Variants in DBNDD1 observed in about 807,000 individuals in gnomAD.
The protein encoded by DBNDD1 is dysbindin domain containing 1, also known as dysbindin domain-containing protein 1.
Under a neutral mutation model 17.0 loss-of-function variants are expected in DBNDD1, and 14 were observed. That is an observed-to-expected ratio of 0.82 (90% CI 0.54 to 1.29). DBNDD1 has a LOEUF of 1.29. Ranked by LOEUF, DBNDD1 falls within the 50% of genes most tolerant of loss-of-function variation. The probability of loss-of-function intolerance (pLI) is 0.00; values close to 1 mark genes in which losing one functional copy is unlikely to be tolerated. For synonymous variants in DBNDD1, 105 were observed against 102.0 expected, an observed-to-expected ratio of 1.03 and a Z score of -0.18; for missense variants, 221 against 216.2, an observed-to-expected ratio of 1.02 and a Z score of -0.14.
chr16:90,010,875 C>G (rs773470941), intron 1 of DBNDD1, among the ~76,000 whole-genome samples: 38 of 152,254 alleles, frequency 2.5e-4, no homozygotes, highest in South Asian at 2.1e-4. Flanking sequence ...TGCATGCCCC[C>G]CTTTGGCCCT....
chr16:90,013,944 C>A (rs147899617), intron 1 of DBNDD1, among the ~76,000 whole-genome samples: 6,959 of 149,916 alleles, frequency 0.046, 258 homozygotes, highest in East Asian at 0.14. Flanking sequence ...GGGGGACATG[C>A]ATAAAGGCCT....
At chr16:90,009,691 T>A (rs556281316) in intron 1 of DBNDD1, 5 of 632,834 alleles carry the variant, frequency 7.9e-6, no homozygotes, top group Non-Finnish European at 1.3e-5. Flanking sequence ...TCACCTTTGG[T>A]ACGCAAGCAC....
chr16:90,010,411 A>T (rs1487305886), intron 1 of DBNDD1, among the ~76,000 whole-genome samples: 1 of 131,874 alleles, frequency 7.6e-6, no homozygotes, highest in African/African-American at 3.0e-5. Flanking sequence ...CTCTGTCACC[A>T]GGCTGGAGTG....
Position 90,005,302 on chromosome 16 carries a change from G to A in DBNDD1, c.*1033C>T, listed in dbSNP as rs2035401763. ...CACTTTGATATTAAACTCATTCTTT[G>A]ACTTGCTGTCAGGCAAGAAGCCCAT... On this transcript the variant is annotated 3_prime_UTR_variant, in exon 4 of 4. Coordinates refer to ENST00000002501, the MANE Select transcript of DBNDD1 (RefSeq NM_001042610.3). 6.6e-6 allele frequency: 1 copy of A among 152,268 alleles called. No individual in the cohort carries two copies. The highest frequency in any genetic ancestry group is 1.5e-5 in the Non-Finnish European group (1 of 68,080). The allele number at this position is 152,268 out of a possible 1,614,324, so 9.4% of individuals were successfully genotyped here.
At chr16:90,008,976 C>T in intron 2 of DBNDD1, 52 bp from the exon 3 acceptor site, 2 of 1,499,936 alleles carry the variant, frequency 1.3e-6, no homozygotes, top group Non-Finnish European at 1.8e-6. Flanking sequence ...CAAGGCTGCT[C>T]AGAGCCCCGG....
intron 1 of DBNDD1, among the ~76,000 whole-genome samples, chr16:90,012,087 C>T (rs746881358): frequency 9.2e-5 from 14 of 152,236 alleles, no homozygotes; most frequent in Admixed American, 3.3e-4. Context: ...CTGCAGAGGG[C>T]GTAGCCCTGT....
At position 90,009,494 on chromosome 16, in the gene DBNDD1, G is replaced by A. The variant is rs770660140; in HGVS notation, c.32-64C>T. On this transcript the variant is annotated intron_variant, in intron 1 of 3. Transcript: ENST00000002501. ...GGCTCCCACATCCCCCCAGGACGCG[G>A]GGCTGGGTGTGAGGACTTGGCACAT... 1.9e-6 allele frequency: 3 copies of A among 1,593,236 alleles called. No homozygotes were observed. The South Asian group carries it at 3.3e-5, about 18-fold the overall frequency.
At chr16:90,013,261 T>TGAAAAAAAAAAAAAAAAAAAA (rs1567835111) in intron 1 of DBNDD1, among the ~76,000 whole-genome samples, 2 of 4,494 alleles carry the variant, frequency 4.5e-4, no homozygotes, top group Non-Finnish European at 9.7e-4. Flanking sequence ...AAACCTTGCC[T>TGAAAAAAAAAAAAAAAAAAAA]TAAAAAAAAA....
intron 1 of DBNDD1, among the ~76,000 whole-genome samples, chr16:90,017,682 T>C (rs1369518622): frequency 6.6e-6 from 1 of 152,180 alleles, no homozygotes; most frequent in Admixed American, 6.5e-5. Context: ...TTTGTAAGGT[T>C]TTCAAAAGTA....
intron 1 of DBNDD1, chr16:90,009,693 C>T (rs9929170): frequency 1.9e-5 from 12 of 630,854 alleles, no homozygotes; most frequent in African/African-American, 9.2e-5. Flanking sequence ...ACCTTTGGTA[C>T]GCAAGCACCC....
At chr16:90,016,816 C>T (rs1177283165) in intron 1 of DBNDD1, among the ~76,000 whole-genome samples, 1 of 152,234 alleles carries the variant, frequency 6.6e-6, no homozygotes, top group African/African-American at 2.4e-5. Flanking sequence ...TTGGCACACA[C>T]CACTGTATGG....
At chr16:90,019,516 T>C (rs1196781724), upstream of DBNDD1, 2 of 153,100 alleles carry the variant, frequency 1.3e-5, no homozygotes, top group Non-Finnish European at 2.7e-5. The surrounding 1 kb of genome is among the most constrained non-coding windows in gnomAD (Gnocchi z 6.1). Context: ...GCGCAGCTGC[T>C]CCCGGGCCCC....
At chr16:90,019,646 C>T, upstream of DBNDD1, 1 of 430,032 alleles carries the variant, frequency 2.3e-6, no homozygotes, top group Non-Finnish European at 4.1e-6. This position sits in a 1 kb window ranked among gnomAD's most constrained non-coding sequence, Gnocchi z 6.1. Flanking sequence ...CCCTCGCGGG[C>T]CGCGCCCCGC....
chr16:90,006,615 C>G (rs1317445047), intron 3 of DBNDD1, 123 bp from the exon 4 acceptor site: 2 of 1,240,956 alleles, frequency 1.6e-6, no homozygotes, highest in African/African-American at 1.5e-5. Flanking sequence ...CCCCCTGCAC[C>G]AGGCATGCAC....
intron 3 of DBNDD1, among the ~76,000 whole-genome samples, chr16:90,007,929 CCCCAAACA>C (rs1221767661): frequency 9.9e-5 from 15 of 151,144 alleles, no homozygotes; most frequent in East Asian, 2.0e-4. Context: ...GGGCCTCACC[CCCCAAACA>C]CACCTCCCAG....
chr16:90,014,805 G>C (rs1056425632), intron 1 of DBNDD1, among the ~76,000 whole-genome samples: 1 of 152,072 alleles, frequency 6.6e-6, no homozygotes, highest in Non-Finnish European at 1.5e-5. Context: ...AGGAGTTCGA[G>C]ACCAGTCTGG....
rs1597584412 is a variant in DBNDD1 at position 90,015,853 on chromosome 16, G to T, written c.31+3458C>A. 2.0e-5 allele frequency among the ~76,000 whole-genome samples: 3 copies of T among 152,270 alleles called. No homozygotes were observed. In the South Asian group the frequency reaches 6.2e-4, roughly 32 times the overall value. On this transcript the variant is annotated intron_variant, in intron 1 of 3. Transcript: ENST00000002501. The stretch of plus-strand genomic sequence containing the variant: ...ATCGTCAGAGGCTGGGGGGTGGGCA[G>T]TGGAGAAGGGGAGAACGGGTATGGG...
intron 1 of DBNDD1, chr16:90,011,714 A>G (rs748203409): frequency 4.6e-5 from 21 of 453,958 alleles, no homozygotes; most frequent in Non-Finnish European, 8.9e-5. Flanking sequence ...GAGGTTTCTG[A>G]GCATCCTAAA....
At chr16:90,006,517 T>G (rs2035430389) in intron 3 of DBNDD1, 25 bp from the exon 4 acceptor site, 1 of 1,591,064 alleles carries the variant, frequency 6.3e-7, no homozygotes, top group African/African-American at 1.3e-5. Context: ...GAAGGGGAAC[T>G]CGGTGTGGCT....
Sources: gnomAD v4.1 joint callset for allele counts (sites outside exome capture counted in the v4.1 genomes callset) on GRCh38, gnomAD v4.1.1 for gene constraint, Gnocchi (gnomAD v3.1) non-coding constraint, MANE v1.5 for transcripts, NCBI Gene and HGNC (gene_info 2026-07-23, HGNC 2026-07-21) for gene names.